CDH8: variants seen among roughly 807,000 people sequenced by gnomAD.
CDH8 encodes the protein cadherin-8.
Under a neutral mutation model 68.1 loss-of-function variants are expected in CDH8, and 17 were observed. That is an observed-to-expected ratio of 0.25 (90% CI 0.17 to 0.37). The LOEUF (loss-of-function observed/expected upper bound fraction) is 0.37, where lower values mean the gene tolerates loss of function less well. CDH8 is among the 10% of genes least tolerant of loss of function. The pLI is 1.00. For missense variants in CDH8, 763 were observed against 999.3 expected, an observed-to-expected ratio of 0.76 and a Z score of 3.19; for synonymous variants, 372 against 365.1, an observed-to-expected ratio of 1.02 and a Z score of -0.21.
intron 8 of CDH8, among the ~76,000 whole-genome samples, chr16:61,759,397 G>C (rs937377479): frequency 6.6e-6 from 1 of 151,668 alleles, no homozygotes. Context: ...AGGAAGAGAA[G>C]GAAAAGGAGA....
At chr16:61,995,360 G>A (rs1885173120) in intron 2 of CDH8, among the ~76,000 whole-genome samples, 1 of 152,110 alleles carries the variant, frequency 6.6e-6, no homozygotes, top group Non-Finnish European at 1.5e-5. Flanking sequence ...TGTCTGGGGA[G>A]CAGGCATGTT....
intron 7 of CDH8, among the ~76,000 whole-genome samples, chr16:61,802,157 C>T (rs1961661949): frequency 8.2e-6 from 1 of 122,610 alleles, no homozygotes; most frequent in Non-Finnish European, 1.7e-5. Flanking sequence ...GGTCCCTGAC[C>T]CCTGACCCCC....
chr16:61,933,521 G>T (rs1419463372), intron 2 of CDH8, among the ~76,000 whole-genome samples: 2 of 152,142 alleles, frequency 1.3e-5, no homozygotes, highest in African/African-American at 4.8e-5. Context: ...ACTTAGAAAA[G>T]ATTTTTTAAA....
chr16:61,980,091 G>A (rs1965505462), intron 2 of CDH8, among the ~76,000 whole-genome samples: 1 of 152,160 alleles, frequency 6.6e-6, no homozygotes, highest in Non-Finnish European at 1.5e-5. Flanking sequence ...AAACATGAGG[G>A]AAAGCCCACA....
chr16:61,799,748 A>G (rs1468000296), intron 7 of CDH8, among the ~76,000 whole-genome samples: 1 of 152,222 alleles, frequency 6.6e-6, no homozygotes, highest in African/African-American at 2.4e-5. Flanking sequence ...TTTTAAAAGT[A>G]GTGTATAACT....
Position 61,652,577 on chromosome 16 carries a change from A to G in CDH8, c.*1031T>C. 9.4e-7 allele frequency: 1 copy of G among 1,065,010 alleles called. No homozygotes were observed. Among genetic ancestry groups the G allele is most frequent in the East Asian group, 5.4e-5 (1 of 18,620 alleles). The allele number at this position is 1,065,010 out of a possible 1,614,324, so 66.0% of individuals were successfully genotyped here. A position where few individuals can be genotyped will look rare whatever the true frequency, so the allele number is the denominator to read the frequency against. On this transcript the variant is annotated 3_prime_UTR_variant, in exon 12 of 12. Transcript: ENST00000577390. ...GAGACTATTAGCTCTCCTTTCGATA[A>G]TATTGCCTGCCATACTCATCTCATC...
chr16:61,723,358 G>A (rs923639569), intron 9 of CDH8, among the ~76,000 whole-genome samples: 6 of 150,538 alleles, frequency 4.0e-5, no homozygotes, highest in East Asian at 2.0e-4. Context: ...TCCTCCACTC[G>A]TCCAGCCAGA....
chr16:61,681,809 C>T (rs893790058), intron 10 of CDH8, among the ~76,000 whole-genome samples: 3 of 151,848 alleles, frequency 2.0e-5, no homozygotes, highest in Non-Finnish European at 4.4e-5. Context: ...AAGCTAAAAT[C>T]GTGATCCTAA....
In CDH8 at chr16:61,926,152, G is replaced by GGGGT. The variant is rs1181874133; in HGVS notation, c.253-24680_253-24679insACCC. ...AAATGTTGATTTGGGACTCAGAAGG[G>GGGGT]GTGTGTGTGTGTGTGTGTGTGTGTG... On this transcript the variant is annotated intron_variant, in intron 2 of 11. Transcript: ENST00000577390. Among the ~76,000 whole-genome samples, 13 of 142,212 alleles carry GGGGT rather than the reference G, an allele frequency of 9.1e-5. No individual in the cohort carries two copies. In the East Asian group the frequency reaches 2.5e-3, roughly 28 times the overall value. 93.3% of individuals were successfully genotyped at this position (142,212 alleles called of 152,430 possible). A position where few individuals can be genotyped will look rare whatever the true frequency, so the allele number is the denominator to read the frequency against.
intron 8 of CDH8, among the ~76,000 whole-genome samples, chr16:61,731,447 C>A (rs1286138881): frequency 6.6e-6 from 1 of 151,708 alleles, no homozygotes; most frequent in Non-Finnish European, 1.5e-5. Flanking sequence ...GGCAATTAAA[C>A]AACCTTAATA....
chr16:61,813,441 T>A (rs1961996897), intron 7 of CDH8, among the ~76,000 whole-genome samples: 1 of 152,150 alleles, frequency 6.6e-6, no homozygotes, highest in South Asian at 2.1e-4. Flanking sequence ...CCTAAGCTGA[T>A]AAAAGGCCCT....
chr16:61,712,693 A>C (rs562553931), intron 10 of CDH8, among the ~76,000 whole-genome samples: 18 of 151,742 alleles, frequency 1.2e-4, no homozygotes, highest in African/African-American at 4.1e-4. Flanking sequence ...GGAGACAGAA[A>C]GGGTTTTGTC....
intron 8 of CDH8, among the ~76,000 whole-genome samples, chr16:61,746,552 C>T (rs1372261381): frequency 8.1e-6 from 1 of 122,800 alleles, no homozygotes; most frequent in Non-Finnish European, 1.6e-5. Context: ...CTTGATTCCC[C>T]CCCAACACAC....
chr16:61,841,777 C>G (rs190366685), intron 4 of CDH8, among the ~76,000 whole-genome samples: 1 of 152,086 alleles, frequency 6.6e-6, no homozygotes, highest in East Asian at 1.9e-4. Context: ...CTCATATACC[C>G]AATAAATATA....
intron 9 of CDH8, among the ~76,000 whole-genome samples, chr16:61,714,579 G>A (rs1195733985): frequency 6.6e-6 from 1 of 151,588 alleles, no homozygotes; most frequent in Non-Finnish European, 1.5e-5. Flanking sequence ...TTACCACGGT[G>A]CAGAGAAATG....
chr16:61,674,036 A>G (rs1963847023), intron 10 of CDH8, among the ~76,000 whole-genome samples: 1 of 152,172 alleles, frequency 6.6e-6, no homozygotes, highest in Admixed American at 6.5e-5. Flanking sequence ...TACTGTGACT[A>G]TCATAGGGTT....
intron 8 of CDH8, among the ~76,000 whole-genome samples, chr16:61,753,666 A>C (rs1231939069): frequency 3.9e-5 from 6 of 152,188 alleles, no homozygotes; most frequent in Non-Finnish European, 8.8e-5. Context: ...GGTAACAGAG[A>C]CACTGCAAGT....
chr16:61,958,321 T>C (rs1597089832), intron 2 of CDH8, among the ~76,000 whole-genome samples: 1 of 152,202 alleles, frequency 6.6e-6, no homozygotes, highest in East Asian at 1.9e-4. Context: ...TGATTGTTCT[T>C]TGATCTATTT....
At chr16:61,778,469 A>G (rs982243532) in intron 8 of CDH8, among the ~76,000 whole-genome samples, 38 of 152,268 alleles carry the variant, frequency 2.5e-4, no homozygotes, top group African/African-American at 7.5e-4. Context: ...AGTAACACAC[A>G]GGCCATAATT....
Sources: gnomAD v4.1 joint callset for allele counts (sites outside exome capture counted in the v4.1 genomes callset) on GRCh38, gnomAD v4.1.1 for gene constraint, MANE v1.5 for transcripts, NCBI Gene and HGNC (gene_info 2026-07-23, HGNC 2026-07-21) for gene names.